Variants in DNAH8 observed in about 807,000 individuals in gnomAD.
The protein encoded by DNAH8 is axonemal beta dynein heavy chain 8.
DNAH8 carries 382 observed loss-of-function variants against 562.1 expected under a neutral mutation model. The ratio of observed to expected loss-of-function variants is 0.68; its 90% CI spans 0.63 to 0.74. The LOEUF (loss-of-function observed/expected upper bound fraction) is 0.74. DNAH8 is among the 30% of genes least tolerant of loss of function. DNAH8 has a pLI of 0.00. For missense variants in DNAH8, 5,203 were observed against 5,620.4 expected (o/e 0.93, Z 2.37); for synonymous variants, 1,881 against 1,919.4 (o/e 0.98, Z 0.52).
chr6:38,829,918 C>T (rs553298970), intron 30 of DNAH8, among the ~76,000 whole-genome samples: 7 of 152,300 alleles, frequency 4.6e-5, no homozygotes, highest in Non-Finnish European at 8.8e-5. Context: ...TTTTCCCCTA[C>T]CATTTCTAGG....
chr6:39,014,014 T>C (rs1183760814), intron 91 of DNAH8, among the ~76,000 whole-genome samples: 1 of 148,600 alleles, frequency 6.7e-6, no homozygotes, highest in Non-Finnish European at 1.5e-5. Context: ...TTGTGCAGGG[T>C]TTTTTTTGTG....
chr6:38,772,698 A>G (rs1767687635), intron 12 of DNAH8, among the ~76,000 whole-genome samples: 1 of 151,922 alleles, frequency 6.6e-6, no homozygotes, highest in Non-Finnish European at 1.5e-5. Flanking sequence ...ATAGTTTTTA[A>G]TTTTAATGAA....
chr6:38,923,317 G>A (rs1201186377), intron 72 of DNAH8, 132 bp downstream of exon 72: 1 of 1,057,362 alleles, frequency 9.5e-7, no homozygotes, highest in Admixed American at 2.6e-5. Flanking sequence ...TGCACTCTCA[G>A]GTGAAATACT....
rs1345068227 is a variant in DNAH8, at chr6:38,845,767, G to C, written c.5039G>C (p.Ser1680Thr). Residue 1680 changes from serine to threonine, a missense_variant, in exon 36 of 93, where the codon AGC (serine) becomes ACC (threonine). Coordinates refer to ENST00000327475, the MANE Select transcript of DNAH8 (RefSeq NM_001206927.2). ...DSLMVLGSLL[S>T]NRYNAPFKKN... ...TTAATGGTCTTAGGGTCTTTACTCA[G>C]CAACAGGTAATTTTATAATTTGAGA... 1 of 1,609,718 alleles carries C rather than the reference G, an allele frequency of 6.2e-7. No individual in the cohort carries two copies. The highest frequency in any genetic ancestry group is 2.2e-5 in the East Asian group (1 of 44,824).
Position 38,907,963 on chromosome 6 carries a change from A to G in DNAH8, c.9356A>G (p.Asn3119Ser), listed in dbSNP as rs1409743221. ...CTTGTCCATTCCTTAAAGATCTCCA[A>G]CTTGTTTGCACGAGATGAGATGGAT... is the stretch of plus-strand genomic sequence containing the variant. ...NNLLSSGEIS[N>S]LFARDEMDEI... is the part of the protein sequence containing the mutation. The change falls in exon 64 of 93, where the codon AAC (asparagine) becomes AGC (serine). Residue 3119 changes from asparagine to serine, a missense_variant. Asn to Ser is a conservative substitution (Grantham distance 46). Coordinates refer to ENST00000327475, the MANE Select transcript of DNAH8 (RefSeq NM_001206927.2). 1.3e-6 allele frequency: 2 copies of G among 1,596,510 alleles called. No individual in the cohort carries two copies. Among genetic ancestry groups the G allele is most frequent in the South Asian group, 1.1e-5 (1 of 87,386 alleles).
At position 38,974,361 on chromosome 6, in the gene DNAH8, C is replaced by T; in HGVS notation, c.12679-13C>T. ...TTTATAGAAACAAAAGCACTGTTTT[C>T]TTTTCATGACAGACCTCTCTCAAAT... is the stretch of plus-strand genomic sequence containing the variant. On this transcript the variant is annotated splice_polypyrimidine_tract_variant and intron_variant, in intron 84 of 92. Coordinates refer to ENST00000327475, the MANE Select transcript of DNAH8 (RefSeq NM_001206927.2). 1 of 1,587,164 alleles carries T rather than the reference C, an allele frequency of 6.3e-7. No individual in the cohort carries two copies. The highest frequency in any genetic ancestry group is 8.5e-7 in the Non-Finnish European group (1 of 1,169,782).
chr6:38,935,953 G>A (rs1782922410), intron 77 of DNAH8, among the ~76,000 whole-genome samples: 1 of 151,960 alleles, frequency 6.6e-6, no homozygotes, highest in Non-Finnish European at 1.5e-5. Flanking sequence ...AAAAATTAGG[G>A]CTCCTGATAG....
chr6:38,880,741 A>C (rs9394548), intron 53 of DNAH8, among the ~76,000 whole-genome samples: 2 of 152,096 alleles, frequency 1.3e-5, no homozygotes, highest in African/African-American at 4.8e-5. Context: ...TAAAACTCCA[A>C]TGGGGTCTGG....
chr6:39,013,872 A>G (rs28666988), intron 91 of DNAH8, among the ~76,000 whole-genome samples: 5 of 106,976 alleles, frequency 4.7e-5, no homozygotes, highest in Admixed American at 8.6e-5. Context: ...GAGAGAGAGA[A>G]AGAGAGAGAG....
Position 38,829,783 on chromosome 6 carries a change from A to G in DNAH8, c.4188+1495A>G, listed in dbSNP as rs79107442. 4.6e-5 allele frequency among the ~76,000 whole-genome samples: 7 copies of G among 152,324 alleles called. No homozygotes were observed. In the East Asian group the frequency reaches 1.3e-3, roughly 29 times the overall value. ...AGAAAATAGTGGCAAAATGCATGTA[A>G]CATAAAATTTACCTTCTTAACCATT... On this transcript the variant is annotated intron_variant, in intron 30 of 92. Coordinates refer to ENST00000327475, the MANE Select transcript of DNAH8 (RefSeq NM_001206927.2).
intron 33 of DNAH8, among the ~76,000 whole-genome samples, 162 bp downstream of exon 33, chr6:38,838,204 C>T (rs568314296): frequency 6.6e-6 from 1 of 152,320 alleles, no homozygotes; most frequent in South Asian, 2.1e-4. Flanking sequence ...ATTGGACACA[C>T]AGTCTCCTAT....
chr6:38,854,242 G>A (rs1776003796), intron 41 of DNAH8, among the ~76,000 whole-genome samples: 1 of 151,976 alleles, frequency 6.6e-6, no homozygotes, highest in Admixed American at 6.6e-5. Context: ...ACCTCAAAGA[G>A]GCCAAGATTG....
intron 21 of DNAH8, among the ~76,000 whole-genome samples, chr6:38,801,946 G>T (rs4714185): frequency 0.66 from 99,419 of 151,240 alleles, 33,286 homozygotes; most frequent in Non-Finnish European, 0.72. Flanking sequence ...CTGCTCCTAT[G>T]TACATTTTTT....
chr6:39,002,299 C>T (rs1486587874), intron 88 of DNAH8, among the ~76,000 whole-genome samples: 16 of 152,082 alleles, frequency 1.1e-4, no homozygotes, highest in Non-Finnish European at 1.6e-4. Context: ...CTGTAGTGTA[C>T]CTAATGCTAG....
At chr6:38,993,003 A>G (rs1764896822) in intron 88 of DNAH8, among the ~76,000 whole-genome samples, 2 of 152,144 alleles carry the variant, frequency 1.3e-5, no homozygotes, top group East Asian at 3.9e-4. Context: ...ATCTATGTAT[A>G]ATCACATATA....
rs1486169021 is a variant in DNAH8 at position 39,030,215 on chromosome 6, C to T, written c.13947C>T (p.Leu4649=). Residue 4649 remains leucine, a synonymous_variant, in exon 93 of 93, where the codon CTC becomes CTT. Transcript: ENST00000327475. Reference sequence around the variant, plus strand: ...TACTCTTCACGCAGTTACCCGTGCTCCACATCTTTGCCATTAACTCCACGG... The same window carrying T: ...TACTCTTCACGCAGTTACCCGTGCTTCACATCTTTGCCATTAACTCCACGG... ...PKVLFTQLPV[L]HIFAINSTAP... is the part of the protein sequence containing the mutation. The T allele has an allele frequency of 5.0e-6, 8 of 1,614,008 alleles. No homozygotes were observed. In the East Asian group the frequency reaches 1.1e-4, roughly 22 times the overall value.
intron 88 of DNAH8, among the ~76,000 whole-genome samples, chr6:39,004,568 G>A (rs1765684875): frequency 6.6e-6 from 1 of 152,098 alleles, no homozygotes; most frequent in South Asian, 2.1e-4. Context: ...GATGTAATCT[G>A]CATATCTTAA....
chr6:38,729,726 A>G (rs139315945), intron 3 of DNAH8, among the ~76,000 whole-genome samples, 176 bp from the exon 4 acceptor site: 1 of 152,222 alleles, frequency 6.6e-6, no homozygotes, highest in African/African-American at 2.4e-5. Context: ...TAGGTTCAGA[A>G]ATATAATTCA....
chr6:38,962,693 A>G (rs969795625), intron 82 of DNAH8, among the ~76,000 whole-genome samples: 1 of 152,228 alleles, frequency 6.6e-6, no homozygotes, highest in Non-Finnish European at 1.5e-5. Flanking sequence ...AATTAGTTAT[A>G]TATTGTTGAG....
Sources: gnomAD v4.1 joint callset for allele counts (sites outside exome capture counted in the v4.1 genomes callset) on GRCh38, gnomAD v4.1.1 for gene constraint, MANE v1.5 for transcripts, NCBI Gene and HGNC (gene_info 2026-07-23, HGNC 2026-07-21) for gene names.